Variants in GLG1 observed in about 807,000 individuals in gnomAD.
GLG1 encodes golgi glycoprotein 1.
Under a neutral mutation model 160.5 loss-of-function variants are expected in GLG1, and 38 were observed. That is an observed-to-expected ratio of 0.24 (90% CI 0.18 to 0.31). The LOEUF is 0.31. GLG1 is among the 10% of genes least tolerant of loss of function. The probability of loss-of-function intolerance (pLI) is 1.00; values close to 1 mark genes in which losing one functional copy is unlikely to be tolerated. For synonymous variants in GLG1, 644 were observed against 543.4 expected, an observed-to-expected ratio of 1.19 and a Z score of -2.57; for missense variants, 1,373 against 1,505.2, an observed-to-expected ratio of 0.91 and a Z score of 1.45.
At chr16:74,467,653 A>C (rs1416279217) in intron 18 of GLG1, 103 bp downstream of exon 18, 2 of 767,406 alleles carry the variant, frequency 2.6e-6, no homozygotes, top group Non-Finnish European at 4.4e-6. Context: ...CCAGCAAAAA[A>C]TTCATGACTA....
chr16:74,451,165 T>G lies in GLG1; in HGVS notation c.*2002A>C, dbSNP rs1332684160. The stretch of plus-strand genomic sequence containing the variant: ...CCCCCAGGGGAACCTGCAGAGACTC[T>G]CGGGCCGCTCACTCCGGCTGGCAGT... On this transcript the variant is annotated 3_prime_UTR_variant, in exon 26 of 26. Coordinates refer to ENST00000422840, the MANE Select transcript of GLG1 (RefSeq NM_001145667.2). 6.6e-6 allele frequency: 1 copy of G among 152,358 alleles called. No homozygotes were observed. Among genetic ancestry groups the G allele is most frequent in the African/African-American group, 2.4e-5 (1 of 41,422 alleles). 9.4% of individuals were successfully genotyped at this position (152,358 alleles called of 1,614,324 possible).
rs1358457579 is a variant in GLG1 at position 74,606,978 on chromosome 16, G to A, written c.117C>T (p.Gly39=). ...KLPGQGVHSQ[G]QGPGANFVSF... is the part of the protein sequence containing the mutation. ...ACACAAAGTTGGCCCCGGGACCCTG[G>A]CCCTGGCTGTGGACGCCCTGGCCGG... The change falls in exon 1 of 26, where the codon GGC becomes GGT. Residue 39 remains glycine, a synonymous_variant. Coordinates refer to ENST00000422840, the MANE Select transcript of GLG1 (RefSeq NM_001145667.2). 3 of 1,607,884 alleles carry A rather than the reference G, an allele frequency of 1.9e-6. No individual in the cohort carries two copies. The East Asian group carries it at 6.7e-5, about 36-fold the overall frequency.
At chr16:74,580,739 A>T (rs1225307048) in intron 1 of GLG1, among the ~76,000 whole-genome samples, 1 of 152,186 alleles carries the variant, frequency 6.6e-6, no homozygotes, top group Admixed American at 6.6e-5. Context: ...AAAAGGAAGA[A>T]AATATTTGCA....
At chr16:74,486,038 T>C (rs2015775587) in intron 8 of GLG1, 121 bp from the exon 9 acceptor site, 2 of 717,066 alleles carry the variant, frequency 2.8e-6, no homozygotes, top group African/African-American at 1.8e-5. Context: ...TAAAGTTGTC[T>C]ACAGTTGTCA....
rs1958583838 is a variant in GLG1, at chr16:74,606,865, T to C, written c.230A>G (p.Gln77Arg). Residue 77 changes from glutamine to arginine, a missense_variant, in exon 1 of 26, where the codon CAG (glutamine) becomes CGG (arginine). Physicochemically the swap from Gln to Arg is conservative, Grantham distance 43. Transcript: ENST00000422840. ...AGGCTGCTGTTGCTGTTGCTGCTGC[T>C]GCTGTTGCTGCTGAAGCTGCGATGA... ...PQSSQLQQQQ[Q>R]QQQQQQQPQP... 4 of 1,598,994 alleles carry C rather than the reference T, an allele frequency of 2.5e-6. No individual in the cohort carries two copies. The highest frequency in any genetic ancestry group is 1.7e-6 in the Non-Finnish European group (2 of 1,174,096).
intron 1 of GLG1, among the ~76,000 whole-genome samples, chr16:74,542,754 G>GAAGGAAGGAAGGAAAGA (rs1597328970): frequency 2.8e-5 from 1 of 36,308 alleles, no homozygotes; most frequent in Non-Finnish European, 6.2e-5. Context: ...AGGAAGGAAG[G>GAAGGAAGGAAGGAAAGA]AAGGAAGGAA....
At chr16:74,547,512 A>G (rs2018081489) in intron 1 of GLG1, among the ~76,000 whole-genome samples, 1 of 152,256 alleles carries the variant, frequency 6.6e-6, no homozygotes, top group South Asian at 2.1e-4. Flanking sequence ...TTCTTTTGGA[A>G]TAGTGAGGAA....
intron 1 of GLG1, among the ~76,000 whole-genome samples, chr16:74,588,872 T>C (rs1958109137): frequency 6.6e-6 from 1 of 151,880 alleles, no homozygotes. Flanking sequence ...GAAAGCTAAA[T>C]AGCAACTTGA....
chr16:74,583,595 G>A (rs1957984002), intron 1 of GLG1, among the ~76,000 whole-genome samples: 1 of 152,118 alleles, frequency 6.6e-6, no homozygotes, highest in Non-Finnish European at 1.5e-5. Flanking sequence ...GGCCAGGCTG[G>A]TCTTGAACTC....
chr16:74,505,497 A>T (rs1238125821), intron 3 of GLG1, among the ~76,000 whole-genome samples: 1 of 152,172 alleles, frequency 6.6e-6, no homozygotes, highest in African/African-American at 2.4e-5. Flanking sequence ...AGGGGGGTGG[A>T]TCACTTGAAG....
chr16:74,503,757 T>A lies in GLG1; in HGVS notation c.559-11A>T. The A allele has an allele frequency of 6.4e-7, 1 of 1,554,940 alleles. No homozygotes were observed. Among genetic ancestry groups the A allele is most frequent in the African/African-American group, 1.4e-5 (1 of 73,918 alleles). ...AGCACATTCTTTAATCTGCTCAAAA[T>A]AAAGTAGCTGTTTTACAAAAGTGTT... On this transcript the variant is annotated splice_polypyrimidine_tract_variant and intron_variant, in intron 3 of 25. Coordinates refer to ENST00000422840, the MANE Select transcript of GLG1 (RefSeq NM_001145667.2).
intron 2 of GLG1, among the ~76,000 whole-genome samples, chr16:74,527,548 C>T (rs576587063): frequency 2.0e-5 from 3 of 152,068 alleles, no homozygotes; most frequent in South Asian, 4.1e-4. Context: ...CCACGCCTGG[C>T]CAAGTCAGTT....
rs1268728675 is a variant in GLG1, at chr16:74,471,180, A to T, written c.2222T>A (p.Phe741Tyr). The T allele has an allele frequency of 3.2e-6, 5 of 1,581,242 alleles. No homozygotes were observed. The highest frequency in any genetic ancestry group is 4.3e-6 in the Non-Finnish European group (5 of 1,149,960). The part of the protein sequence containing the change: ...NEKCAIGVTH[F>Y]QLVQMKDFRF... ...CAGCCAGGTGTCACTGACCAGCTGG[A>T]AGTGGGTAACTCCGATGGCACACTT... The change falls in exon 15 of 26, where the codon TTC becomes TAC. Residue 741 changes from phenylalanine to tyrosine, a missense_variant. Physicochemically the swap from Phe to Tyr is conservative, Grantham distance 22. Transcript: ENST00000422840.
chr16:74,600,741 A>C (rs1240485390), intron 1 of GLG1, among the ~76,000 whole-genome samples: 3 of 150,778 alleles, frequency 2.0e-5, no homozygotes, highest in Non-Finnish European at 3.0e-5. Flanking sequence ...CAAAAAAAAA[A>C]AAAAAAAAAA....
intron 2 of GLG1, among the ~76,000 whole-genome samples, chr16:74,514,670 C>T (rs1314410527): frequency 6.6e-6 from 1 of 152,178 alleles, no homozygotes; most frequent in African/African-American, 2.4e-5. Context: ...CAACCGGTAC[C>T]AGCCACTGCA....
At chr16:74,527,035 G>T (rs899438949) in intron 2 of GLG1, among the ~76,000 whole-genome samples, 1 of 152,058 alleles carries the variant, frequency 6.6e-6, no homozygotes, top group Non-Finnish European at 1.5e-5. Flanking sequence ...ATCATTATGT[G>T]AAACAAATCT....
chr16:74,510,900 G>C (rs2016783547), intron 2 of GLG1, among the ~76,000 whole-genome samples: 1 of 152,164 alleles, frequency 6.6e-6, no homozygotes, highest in African/African-American at 2.4e-5. Flanking sequence ...GGGGAGTTTG[G>C]TCAGGGAAGA....
chr16:74,458,015 C>A (rs754268024), intron 23 of GLG1, 21 bp from the exon 24 acceptor site: 2 of 1,611,816 alleles, frequency 1.2e-6, no homozygotes, highest in South Asian at 2.2e-5. Context: ...AGGGTCATTG[C>A]AGACAGAGCT....
At chr16:74,569,345 C>T (rs1407777511) in intron 1 of GLG1, among the ~76,000 whole-genome samples, 1 of 152,174 alleles carries the variant, frequency 6.6e-6, no homozygotes, top group East Asian at 1.9e-4. Flanking sequence ...GGCAAAGAAA[C>T]TTTAATAGAC....
Sources: gnomAD v4.1 joint callset for allele counts (sites outside exome capture counted in the v4.1 genomes callset) on GRCh38, gnomAD v4.1.1 for gene constraint, MANE v1.5 for transcripts, NCBI Gene and HGNC (gene_info 2026-07-23, HGNC 2026-07-21) for gene names.